VSNL1: variants seen among roughly 807,000 people sequenced by gnomAD.
VSNL1 encodes the protein visinin-like protein 1.
In VSNL1, 6 loss-of-function variants were observed where a neutral mutation model predicts 20.4. The ratio of observed to expected loss-of-function variants is 0.29; its 90% CI spans 0.16 to 0.58. The LOEUF is 0.58. Among genes scored for constraint, VSNL1 ranks in the 20% least tolerant of loss-of-function variants. The probability of loss-of-function intolerance (pLI) is 0.90; values close to 1 mark genes in which losing one functional copy is unlikely to be tolerated. For missense variants in VSNL1, 100 were observed against 234.5 expected (o/e 0.43, Z 3.75); for synonymous variants, 93 against 86.4 (o/e 1.08, Z -0.42).
intron 2 of VSNL1, among the ~76,000 whole-genome samples, chr2:17,604,166 G>A (rs1389255802): frequency 1.3e-5 from 2 of 152,220 alleles, no homozygotes; most frequent in African/African-American, 4.8e-5. Flanking sequence ...CAGGGCAGAG[G>A]GTGTGGTGCA....
chr2:17,541,897 T>C (rs182813169), intron 1 of VSNL1, among the ~76,000 whole-genome samples: 5 of 152,180 alleles, frequency 3.3e-5, no homozygotes, highest in Non-Finnish European at 7.4e-5. Flanking sequence ...AAATGATGAG[T>C]GCTCCGCATT....
intron 2 of VSNL1, among the ~76,000 whole-genome samples, chr2:17,627,136 C>T (rs936976627): frequency 1.3e-5 from 2 of 152,222 alleles, no homozygotes; most frequent in East Asian, 1.9e-4. Flanking sequence ...CACCACATCA[C>T]AGCCCGTGGC....
At chr2:17,601,539 G>C (rs1664820307) in intron 2 of VSNL1, among the ~76,000 whole-genome samples, 1 of 151,984 alleles carries the variant, frequency 6.6e-6, no homozygotes, top group South Asian at 2.1e-4. Context: ...GGGAGGCTGA[G>C]GCAGAAGAAT....
chr2:17,578,375 CAT>C (rs1319567205), intron 1 of VSNL1, among the ~76,000 whole-genome samples: 2 of 152,174 alleles, frequency 1.3e-5, no homozygotes, highest in Non-Finnish European at 2.9e-5. Context: ...GAGGTTCAAA[CAT>C]AGGATTGTTT....
chr2:17,640,211 C>G (rs2103420940), intron 2 of VSNL1, among the ~76,000 whole-genome samples: 1 of 150,588 alleles, frequency 6.6e-6, no homozygotes. Context: ...CAAGATCGTG[C>G]CATTGCACTC....
At chr2:17,574,482 T>C (rs144540303) in intron 1 of VSNL1, among the ~76,000 whole-genome samples, 23 of 152,026 alleles carry the variant, frequency 1.5e-4, no homozygotes, top group African/African-American at 5.1e-4. Flanking sequence ...TCTTTCTTAT[T>C]CAGATTTTAG....
Position 17,603,553 on chromosome 2 carries a change from C to G in VSNL1, c.162+11317C>G, listed in dbSNP as rs1302225126. On this transcript the variant is annotated intron_variant, in intron 2 of 3. Transcript: ENST00000295156. The stretch of plus-strand genomic sequence containing the variant: ...GACAGGGGGATGATGTGGGAAATAG[C>G]AAGGAGTTCTGTTGGCTGAAATGTC... 2.0e-5 allele frequency among the ~76,000 whole-genome samples: 3 copies of G among 152,088 alleles called. No homozygotes were observed. In the East Asian group the frequency reaches 5.8e-4, roughly 29 times the overall value.
rs376681382 is a variant in VSNL1, at chr2:17,561,946, A to AG, written c.-6+21029dup. Among the ~76,000 whole-genome samples the AG allele has an allele frequency of 2.3e-3, 357 of 152,344 alleles. 1 individual carries two copies. Among genetic ancestry groups the AG allele is most frequent in the African/African-American group, 8.4e-3 (351 of 41,568 alleles). Reference sequence around the variant, plus strand: ...CACTCCCTTTACATTGTTCTAAAAAAGAACTTTTCGGAATAAAAATGTGAC... The same window carrying AG: ...CACTCCCTTTACATTGTTCTAAAAAAGGAACTTTTCGGAATAAAAATGTGAC... On this transcript the variant is annotated intron_variant, in intron 1 of 3. Coordinates refer to ENST00000295156, the MANE Select transcript of VSNL1 (RefSeq NM_003385.5).
intron 2 of VSNL1, among the ~76,000 whole-genome samples, chr2:17,633,372 A>G (rs1010186005): frequency 1.8e-5 from 2 of 113,668 alleles, no homozygotes; most frequent in African/African-American, 3.3e-5. Flanking sequence ...AAAAAAAAAA[A>G]GCTGGGCATG....
chr2:17,599,200 G>A (rs1476818547), intron 2 of VSNL1, among the ~76,000 whole-genome samples: 1 of 152,180 alleles, frequency 6.6e-6, no homozygotes, highest in Non-Finnish European at 1.5e-5. Flanking sequence ...TATCACACTG[G>A]GTTGATTGTG....
chr2:17,564,397 T>C (rs1663889186), intron 1 of VSNL1, among the ~76,000 whole-genome samples: 1 of 152,220 alleles, frequency 6.6e-6, no homozygotes, highest in Non-Finnish European at 1.5e-5. Context: ...GTACCTTTAT[T>C]ACACCATCTC....
chr2:17,652,096 C>T (rs1666134972), intron 3 of VSNL1, among the ~76,000 whole-genome samples: 1 of 152,182 alleles, frequency 6.6e-6, no homozygotes, highest in Admixed American at 6.5e-5. Flanking sequence ...GGTTTCTCTA[C>T]TCTGGCTGGT....
chr2:17,585,484 T>C (rs531506491), intron 1 of VSNL1, among the ~76,000 whole-genome samples: 17 of 152,142 alleles, frequency 1.1e-4, no homozygotes, highest in Middle Eastern at 3.4e-3. Context: ...GTCAGTTGTT[T>C]ATAGGATCCA....
At chr2:17,589,671 G>A (rs1200622445) in intron 1 of VSNL1, among the ~76,000 whole-genome samples, 1 of 152,208 alleles carries the variant, frequency 6.6e-6, no homozygotes, top group Non-Finnish European at 1.5e-5. Flanking sequence ...TTTCCTGTGT[G>A]TGTAAGAGAC....
intron 1 of VSNL1, among the ~76,000 whole-genome samples, chr2:17,543,153 CTCTT>C (rs1363292658): frequency 6.6e-6 from 1 of 152,188 alleles, no homozygotes; most frequent in African/African-American, 2.4e-5. Flanking sequence ...CTCTTTCTCT[CTCTT>C]TTTTATTGCC....
intron 1 of VSNL1, among the ~76,000 whole-genome samples, chr2:17,584,901 A>C (rs934000106): frequency 9.2e-5 from 14 of 152,228 alleles, no homozygotes; most frequent in African/African-American, 3.1e-4. Flanking sequence ...CTCCTCTAGA[A>C]AACAAAGGGG....
chr2:17,546,642 G>A (rs1663412184), intron 1 of VSNL1, among the ~76,000 whole-genome samples: 1 of 151,942 alleles, frequency 6.6e-6, no homozygotes, highest in Non-Finnish European at 1.5e-5. Flanking sequence ...ATTTCTTGAA[G>A]TCCAATTTTA....
intron 3 of VSNL1, among the ~76,000 whole-genome samples, chr2:17,652,664 C>T (rs1666145824): frequency 6.6e-6 from 1 of 152,246 alleles, no homozygotes; most frequent in Admixed American, 6.5e-5. Flanking sequence ...AACTAGAATG[C>T]TCTGCAAGCC....
intron 1 of VSNL1, chr2:17,567,513 T>G (rs1308399140): frequency 1.3e-5 from 2 of 151,946 alleles, no homozygotes; most frequent in Non-Finnish European, 2.9e-5. Context: ...CGGCCGCCAC[T>G]ACGCCAGGCT....
Sources: allele counts gnomAD v4.1 joint callset (sites outside exome capture counted in the v4.1 genomes callset), GRCh38; gene constraint gnomAD v4.1.1; transcripts MANE v1.5; gene names NCBI Gene and HGNC (gene_info 2026-07-23, HGNC 2026-07-21).